Variants in NXN observed in about 807,000 individuals in gnomAD.
NXN encodes the protein nucleoredoxin 1.
A neutral mutation model predicts 48.6 loss-of-function variants in NXN; 16 were observed. That is an observed-to-expected ratio of 0.33 (90% CI 0.22 to 0.50). NXN has a LOEUF of 0.50. Among genes scored for constraint, NXN ranks in the 20% least tolerant of loss-of-function variants. NXN has a pLI of 0.98. For synonymous variants in NXN, 281 were observed against 269.6 expected (o/e 1.04, Z -0.41); for missense variants, 492 against 605.5 (o/e 0.81, Z 1.97).
In NXN at chr17:978,822, G is replaced by A. The variant is rs1210479330; in HGVS notation, c.360+497C>T. Reference sequence around the variant, plus strand: ...AAACGCGCTGGTTTGGGCGCCACGGGCGGGGGGCGTGCGCCCTCCCCTCCC... The same window carrying A: ...AAACGCGCTGGTTTGGGCGCCACGGACGGGGGGCGTGCGCCCTCCCCTCCC... On this transcript the variant is annotated intron_variant, in intron 1 of 7. Transcript: ENST00000336868. The surrounding 1 kb of genome is among the most constrained non-coding windows in gnomAD (Gnocchi z 4.1). 6.6e-6 allele frequency among the ~76,000 whole-genome samples: 1 copy of A among 151,996 alleles called. No individual in the cohort carries two copies. The highest frequency in any genetic ancestry group is 1.5e-5 in the Non-Finnish European group (1 of 67,982).
In NXN at chr17:874,669, G is replaced by C. The variant is rs1458861310; in HGVS notation, c.361-48591C>G. On this transcript the variant is annotated intron_variant, in intron 1 of 7. Transcript: ENST00000336868. ...TAATGCAGCTCCCAGGCACAAGCCT[G>C]GATCACAATCATGCCACTGCACTGT... Among the ~76,000 whole-genome samples the C allele has an allele frequency of 7.4e-5, 11 of 147,890 alleles. No individual in the cohort carries two copies. The East Asian group carries it at 2.2e-3, about 29-fold the overall frequency.
intron 1 of NXN, among the ~76,000 whole-genome samples, chr17:837,905 T>C (rs1240954098): frequency 4.6e-5 from 7 of 152,218 alleles, no homozygotes. Context: ...AGAGGACCTA[T>C]GCATGCCCCA....
intron 1 of NXN, among the ~76,000 whole-genome samples, chr17:972,837 A>C (rs568466160): frequency 3.4e-4 from 52 of 152,166 alleles, no homozygotes; most frequent in East Asian, 5.8e-4. Context: ...CGAGACCATC[A>C]TGGCTAACAC....
At chr17:933,921 A>G (rs1277577466) in intron 1 of NXN, among the ~76,000 whole-genome samples, 1 of 152,254 alleles carries the variant, frequency 6.6e-6, no homozygotes, top group African/African-American at 2.4e-5. Context: ...AGCCTCAAGC[A>G]TAAACATCCC....
chr17:913,622 CAGAG>C (rs2068657408), intron 1 of NXN, among the ~76,000 whole-genome samples: 1 of 142,888 alleles, frequency 7.0e-6, no homozygotes, highest in African/African-American at 3.0e-5. Context: ...CCAGGCAATG[CAGAG>C]ACCGGGAACC....
intron 4 of NXN, among the ~76,000 whole-genome samples, chr17:820,194 G>A (rs1912745847): frequency 6.6e-6 from 1 of 152,206 alleles, no homozygotes; most frequent in African/African-American, 2.4e-5. Flanking sequence ...TTTGTTCCGT[G>A]CCTTGTCTGT....
chr17:900,651 T>C (rs141853434), intron 1 of NXN, among the ~76,000 whole-genome samples: 17 of 152,238 alleles, frequency 1.1e-4, no homozygotes, highest in Non-Finnish European at 2.1e-4. Flanking sequence ...TTTTTCAAAT[T>C]CTTACCACTG....
intron 5 of NXN, among the ~76,000 whole-genome samples, chr17:810,526 G>C (rs1911923535): frequency 6.6e-6 from 1 of 152,160 alleles, no homozygotes; most frequent in Admixed American, 6.6e-5. Context: ...CCAATGCCCA[G>C]AATCTGTTCC....
chr17:901,889 G>A (rs190622826), intron 1 of NXN, among the ~76,000 whole-genome samples: 5 of 152,018 alleles, frequency 3.3e-5, no homozygotes, highest in Admixed American at 2.6e-4. Context: ...CAGTAGAGAC[G>A]GGGTTTCGCC....
chr17:822,531 G>C (rs148378091), intron 3 of NXN, 74 bp from the exon 4 acceptor site: 2 of 1,102,008 alleles, frequency 1.8e-6, no homozygotes, highest in Admixed American at 3.7e-5. Flanking sequence ...ATCCAAGGCC[G>C]GGTTAGCAGG....
chr17:957,992 C>T (rs986322453), intron 1 of NXN, among the ~76,000 whole-genome samples: 9 of 151,284 alleles, frequency 5.9e-5, no homozygotes, highest in South Asian at 2.1e-4. Flanking sequence ...CCACGGAGCA[C>T]GGGCAGCCCC....
At position 919,469 on chromosome 17, in the gene NXN, GTTATT is replaced by G; in HGVS notation, c.360+59845_360+59849del. Among the ~76,000 whole-genome samples, 1 of 152,284 alleles carries G rather than the reference GTTATT, an allele frequency of 6.6e-6. No individual in the cohort carries two copies. Among genetic ancestry groups the G allele is most frequent in the Non-Finnish European group, 1.5e-5 (1 of 68,028 alleles). On this transcript the variant is annotated intron_variant, in intron 1 of 7. Coordinates refer to ENST00000336868, the MANE Select transcript of NXN (RefSeq NM_022463.5). The surrounding 1 kb of genome is among the most constrained non-coding windows in gnomAD (Gnocchi z 5.1). ...CATTCCTTAAGATGCTAGAAAACGT[GTTATT>G]GTAACACGAGGAAAAAGCCCTGTAA...
Position 954,723 on chromosome 17 carries a change from C to T in NXN, c.360+24596G>A, listed in dbSNP as rs551916894. ...GCCCCAGGATCACGAGCCTCCTCTC[C>T]TTCCCTGATGGCCCAACAGGAAAAA... On this transcript the variant is annotated intron_variant, in intron 1 of 7. Transcript: ENST00000336868. Among the ~76,000 whole-genome samples, 11 of 152,356 alleles carry T rather than the reference C, an allele frequency of 7.2e-5. No individual in the cohort carries two copies. In the East Asian group the frequency reaches 2.1e-3, roughly 29 times the overall value.
intron 1 of NXN, among the ~76,000 whole-genome samples, chr17:914,076 T>C (rs1428282768): frequency 6.6e-6 from 1 of 152,126 alleles, no homozygotes; most frequent in Non-Finnish European, 1.5e-5. Flanking sequence ...ATTTTTGTAT[T>C]TTTAATAGAG....
At chr17:953,244 A>G (rs1476950113) in intron 1 of NXN, among the ~76,000 whole-genome samples, 5 of 152,020 alleles carry the variant, frequency 3.3e-5, no homozygotes, top group African/African-American at 9.7e-5. Flanking sequence ...GTGAAACCCC[A>G]TCTCTACCAA....
intron 5 of NXN, among the ~76,000 whole-genome samples, chr17:807,579 C>G (rs1911637650): frequency 6.6e-6 from 1 of 151,604 alleles, no homozygotes; most frequent in Non-Finnish European, 1.5e-5. Context: ...GGACACGGAG[C>G]CCCCACCTGG....
intron 1 of NXN, among the ~76,000 whole-genome samples, chr17:969,542 G>A (rs765943278): frequency 8.5e-5 from 13 of 152,140 alleles, no homozygotes; most frequent in Non-Finnish European, 8.8e-5. Context: ...GGGCTCCGGC[G>A]GTCACACTGC....
chr17:965,604 A>C (rs778536168), intron 1 of NXN, among the ~76,000 whole-genome samples: 64 of 152,256 alleles, frequency 4.2e-4, no homozygotes, highest in Non-Finnish European at 8.4e-4. Context: ...TGAGCAACTG[A>C]CTAACAGACT....
chr17:871,646 C>G (rs2068156381), intron 1 of NXN, among the ~76,000 whole-genome samples: 1 of 151,932 alleles, frequency 6.6e-6, no homozygotes, highest in Non-Finnish European at 1.5e-5. Flanking sequence ...CTCAGGTGAT[C>G]CACCTGCCTC....
Sources: allele counts gnomAD v4.1 joint callset (sites outside exome capture counted in the v4.1 genomes callset), GRCh38; gene constraint gnomAD v4.1.1; non-coding constraint Gnocchi (gnomAD v3.1); transcripts MANE v1.5; gene names NCBI Gene and HGNC (gene_info 2026-07-23, HGNC 2026-07-21).